The following IL3RA variants were observed in gnomAD, a reference collection of about 807,000 sequenced individuals.
IL3RA encodes interleukin 3 receptor subunit alpha, also known as interleukin-3 receptor subunit alpha.
A neutral mutation model predicts 52.3 loss-of-function variants in IL3RA; 73 were observed. The ratio of observed to expected loss-of-function variants is 1.40; its 90% CI spans 1.16 to 1.70. The LOEUF (loss-of-function observed/expected upper bound fraction) is 1.70. Among genes scored for constraint, IL3RA ranks in the 40% most tolerant of loss-of-function variants. The pLI is 0.00. For synonymous variants in IL3RA, 260 were observed against 194.0 expected (o/e 1.34, Z -2.83); for missense variants, 664 against 504.4 (o/e 1.32, Z -3.03).
chrX:1,378,689 G>T lies in IL3RA; in HGVS notation c.905G>T (p.Arg302Leu), dbSNP rs770030104. 4.3e-6 allele frequency: 7 copies of T among 1,612,700 alleles called. No homozygotes were observed. Among genetic ancestry groups the T allele is most frequent in the African/African-American group, 1.3e-5 (1 of 75,028 alleles). ...ECDQEEGANT[R>L]AWRTSLLIAL... ...GACCAGGAGGAGGGCGCAAACACACGTGCCTGGCGGACGTCGCTGCTGATC... is the reference window on the plus strand; with the variant it reads ...GACCAGGAGGAGGGCGCAAACACACTTGCCTGGCGGACGTCGCTGCTGATC... Residue 302 changes from arginine to leucine, a missense_variant, in exon 10 of 12, where the codon CGT (arginine) becomes CTT (leucine). By Grantham distance (102) the Arg-to-Leu change is moderately radical. Transcript: ENST00000331035.
At chrX:1,362,444 ATCTCTGTCTC>A (rs2087516136) in intron 8 of IL3RA, among the ~76,000 whole-genome samples, 1 of 130,176 alleles carries the variant, frequency 7.7e-6, no homozygotes, top group South Asian at 2.5e-4. Flanking sequence ...GTCTCTTTGT[ATCTCTGTCTC>A]TCTCTGTTTC....
intron 9 of IL3RA, among the ~76,000 whole-genome samples, chrX:1,377,677 T>G (rs1191016798): frequency 6.7e-6 from 1 of 148,724 alleles, no homozygotes; most frequent in Non-Finnish European, 1.5e-5. Flanking sequence ...GTTTTTTTTT[T>G]TTTTTGGAGA....
chrX:1,355,729 T>C (rs1421980705), intron 6 of IL3RA, among the ~76,000 whole-genome samples: 1 of 151,294 alleles, frequency 6.6e-6, no homozygotes, highest in Non-Finnish European at 1.5e-5. Context: ...CAGGTCAAAG[T>C]GTAGGAGTCT....
At chrX:1,364,520 G>C (rs1208968744) in intron 8 of IL3RA, among the ~76,000 whole-genome samples, 3 of 152,096 alleles carry the variant, frequency 2.0e-5, no homozygotes, top group Non-Finnish European at 4.4e-5. Flanking sequence ...TTTTCTTCTA[G>C]AGATGGGGTC....
At chrX:1,362,807 G>A (rs7473018) in intron 8 of IL3RA, among the ~76,000 whole-genome samples, 59,047 of 151,114 alleles carry the variant, frequency 0.39, 11,750 homozygotes, top group South Asian at 0.54. Flanking sequence ...ACAGAGTCTC[G>A]CTCTGTCACC....
chrX:1,348,789 TTC>T lies in IL3RA; in HGVS notation c.298+246_298+247del, dbSNP rs1468996553. On this transcript the variant is annotated intron_variant, in intron 4 of 11. Coordinates refer to ENST00000331035, the MANE Select transcript of IL3RA (RefSeq NM_002183.4). ...TTTTCTTTCTCTTTCCCTCCCTCCC[TTC>T]TTTCTTTTCTTCACTTCCTTCCCTC... Among the ~76,000 whole-genome samples, 24 of 139,590 alleles carry T rather than the reference TTC, an allele frequency of 1.7e-4. 1 individual carries two copies. The South Asian group carries it at 4.8e-3, about 28-fold the overall frequency. 91.6% of individuals were successfully genotyped at this position (139,590 alleles called of 152,430 possible).
intron 1 of IL3RA, among the ~76,000 whole-genome samples, chrX:1,338,752 A>T (rs1221274597): frequency 6.6e-6 from 1 of 152,074 alleles, no homozygotes; most frequent in Admixed American, 6.6e-5. Context: ...CGGGTCTTTA[A>T]TGGGTCTGGA....
At chrX:1,365,294 C>T (rs1298301298) in intron 9 of IL3RA, 42 bp downstream of exon 9, 2 of 997,704 alleles carry the variant, frequency 2.0e-6, no homozygotes, top group South Asian at 1.3e-5. Flanking sequence ...GCGGGGTGAG[C>T]GGGGTGCGCG....
At position 1,345,763 on chromosome X, in the gene IL3RA, T is replaced by G. The variant is rs546471022; in HGVS notation, c.183+329T>G. Among the ~76,000 whole-genome samples the G allele has an allele frequency of 2.3e-3, 353 of 152,022 alleles. 5 individuals carry two copies. The highest frequency in any genetic ancestry group is 8.0e-3 in the African/African-American group (331 of 41,392). The stretch of plus-strand genomic sequence containing the variant: ...CCTCGGCCTCCCAAAGTGCTGGGAT[T>G]ACAGGCGCGAGTCACCGCGCATGGC... On this transcript the variant is annotated intron_variant, in intron 3 of 11. Coordinates refer to ENST00000331035, the MANE Select transcript of IL3RA (RefSeq NM_002183.4).
chrX:1,352,289 G>C (rs1425479598), intron 5 of IL3RA, 33 bp from the exon 6 acceptor site: 11 of 1,613,148 alleles, frequency 6.8e-6, no homozygotes, highest in East Asian at 6.7e-5. Context: ...CCATCGGCGT[G>C]GGGTCGTCCC....
chrX:1,379,088 C>T (rs1369154070), intron 10 of IL3RA, among the ~76,000 whole-genome samples: 4 of 152,144 alleles, frequency 2.6e-5, no homozygotes, highest in African/African-American at 9.7e-5. Flanking sequence ...GGTGATCCAC[C>T]TGCCTCAGCC....
chrX:1,368,527 G>A (rs376769078), intron 9 of IL3RA, among the ~76,000 whole-genome samples: 1 of 152,144 alleles, frequency 6.6e-6, no homozygotes, highest in Admixed American at 6.6e-5. Flanking sequence ...CTCAAAATTC[G>A]TGTGTTGAAG....
intron 1 of IL3RA, 50 bp from the exon 2 acceptor site, chrX:1,341,678 A>G: frequency 6.8e-7 from 1 of 1,476,168 alleles, no homozygotes; most frequent in Middle Eastern, 2.3e-4. Flanking sequence ...ATTACCCGCA[A>G]CCCAGTTTCA....
intron 8 of IL3RA, among the ~76,000 whole-genome samples, chrX:1,361,822 G>A (rs868598967): frequency 4.0e-5 from 6 of 150,654 alleles, no homozygotes; most frequent in Non-Finnish European, 8.8e-5. Flanking sequence ...ATTAGATCTC[G>A]TGAGACTTAT....
intron 8 of IL3RA, among the ~76,000 whole-genome samples, chrX:1,364,746 G>A (rs2087774363): frequency 6.6e-6 from 1 of 151,684 alleles, no homozygotes; most frequent in Non-Finnish European, 1.5e-5. Flanking sequence ...CAAAAGTGCT[G>A]TGGTGAGAGG....
At position 1,382,433 on chromosome X, in the gene IL3RA, G is replaced by T; in HGVS notation, c.1105G>T (p.Val369Leu). 6.2e-7 allele frequency: 1 copy of T among 1,613,934 alleles called. No homozygotes were observed. The highest frequency in any genetic ancestry group is 8.5e-7 in the Non-Finnish European group (1 of 1,179,854). ...CAAAGCCGGCCTGGAGGAGTGTCTGGTGACTGAAGTACAGGTCGTGCAGAA... is the reference window on the plus strand; with the variant it reads ...CAAAGCCGGCCTGGAGGAGTGTCTGTTGACTGAAGTACAGGTCGTGCAGAA... ...AGKAGLEECL[V>L]TEVQVVQKT Residue 369 changes from valine (V) to leucine (L), a missense_variant, in exon 12 of 12, where the codon GTG (valine) becomes TTG (leucine). Coordinates refer to ENST00000331035, the MANE Select transcript of IL3RA (RefSeq NM_002183.4).
At chrX:1,377,289 G>T (rs1172044747) in intron 9 of IL3RA, among the ~76,000 whole-genome samples, 1 of 152,104 alleles carries the variant, frequency 6.6e-6, no homozygotes, top group African/African-American at 2.4e-5. Context: ...TCGCCAGGCT[G>T]GAGTGCAGTG....
At chrX:1,368,092 T>C (rs1467910151) in intron 9 of IL3RA, among the ~76,000 whole-genome samples, 4 of 152,108 alleles carry the variant, frequency 2.6e-5, no homozygotes, top group African/African-American at 7.2e-5. Context: ...ACCCGGTCTC[T>C]ACAAAAAATG....
rs745657659 is a variant in IL3RA, at chrX:1,359,032, A to G, written c.759+145A>G. The stretch of plus-strand genomic sequence containing the variant: ...TATTAATAATAAATGTTATTATTCA[A>G]TGTTCAGTGACTTTCATTGGACAGA... On this transcript the variant is annotated intron_variant, in intron 8 of 11. Transcript: ENST00000331035. The G allele has an allele frequency of 3.0e-5, 19 of 633,424 alleles. No homozygotes were observed. The East Asian group carries it at 4.6e-4, about 15-fold the overall frequency. The allele number at this position is 633,424 out of a possible 1,614,324, so 39.2% of individuals were successfully genotyped here.
Sources: gnomAD v4.1 joint callset for allele counts (sites outside exome capture counted in the v4.1 genomes callset) on GRCh38, gnomAD v4.1.1 for gene constraint, MANE v1.5 for transcripts, NCBI Gene and HGNC (gene_info 2026-07-23, HGNC 2026-07-21) for gene names.